The following PDZRN3 variants were observed in gnomAD, a reference collection of about 807,000 sequenced individuals.
PDZRN3 encodes the protein E3 ubiquitin-protein ligase PDZRN3.
In PDZRN3, 38 loss-of-function variants were observed where a neutral mutation model predicts 85.7. That is an observed-to-expected ratio of 0.44 (90% CI 0.34 to 0.58). The LOEUF (loss-of-function observed/expected upper bound fraction) is 0.58. PDZRN3 is among the 20% of genes least tolerant of loss of function. The probability of loss-of-function intolerance (pLI) is 0.01; values close to 1 mark genes in which losing one functional copy is unlikely to be tolerated. For synonymous variants in PDZRN3, 759 were observed against 638.0 expected (o/e 1.19, Z -2.86); for missense variants, 1,629 against 1,506.4 (o/e 1.08, Z -1.35).
At chr3:73,584,732 T>C (rs1702255098) in intron 3 of PDZRN3, among the ~76,000 whole-genome samples, 1 of 152,176 alleles carries the variant, frequency 6.6e-6, no homozygotes, top group Non-Finnish European at 1.5e-5. Context: ...CTATAGTTAA[T>C]ATGTTCATTC....
At chr3:73,614,980 T>C (rs888095910) in intron 1 of PDZRN3, among the ~76,000 whole-genome samples, 1 of 152,018 alleles carries the variant, frequency 6.6e-6, no homozygotes, top group Non-Finnish European at 1.5e-5. Flanking sequence ...TGCTTGAAAT[T>C]AAGTTGAAAT....
intron 3 of PDZRN3, among the ~76,000 whole-genome samples, chr3:73,529,619 AG>A (rs1156978970): frequency 6.6e-6 from 1 of 152,194 alleles, no homozygotes; most frequent in East Asian, 1.9e-4. Context: ...GGGCTGTGGG[AG>A]GGTGGGACAA....
Position 73,462,542 on chromosome 3 carries a change from CA to C in PDZRN3, c.919-58148del, listed in dbSNP as rs1167584471. ...TTGGGCAACAGGTGAGACTCCGTCT[CA>C]AAAAAAAAAAAAAAAAAAAGAACTT... is the stretch of plus-strand genomic sequence containing the variant. On this transcript the variant is annotated intron_variant, in intron 3 of 9. Coordinates refer to ENST00000263666, the MANE Select transcript of PDZRN3 (RefSeq NM_015009.3). Among the ~76,000 whole-genome samples, 457 of 93,444 alleles carry C rather than the reference CA, an allele frequency of 4.9e-3. 4 individuals carry two copies. Among genetic ancestry groups the C allele is most frequent in the East Asian group, 0.043 (146 of 3,416 alleles). The allele number at this position is 93,444 out of a possible 152,430, so 61.3% of individuals were successfully genotyped here.
intron 1 of PDZRN3, among the ~76,000 whole-genome samples, chr3:73,620,196 G>A (rs1559760150): frequency 6.6e-6 from 1 of 152,194 alleles, no homozygotes. Context: ...ATTTGAGTGA[G>A]CTGGAGAGCT....
chr3:73,402,940 G>GTTTTTTTTTTTTT (rs1559658874), intron 4 of PDZRN3, among the ~76,000 whole-genome samples: 1 of 108,402 alleles, frequency 9.2e-6, no homozygotes, highest in Non-Finnish European at 1.7e-5. Flanking sequence ...CACATGAAAA[G>GTTTTTTTTTTTTT]CTTTTTTTTT....
intron 5 of PDZRN3, among the ~76,000 whole-genome samples, chr3:73,394,301 C>T (rs1701591300): frequency 6.6e-6 from 1 of 152,100 alleles, no homozygotes; most frequent in Admixed American, 6.5e-5. Context: ...AGTTCTGTTC[C>T]CAGTTAGTGT....
chr3:73,486,140 T>C (rs1703657036), intron 3 of PDZRN3, among the ~76,000 whole-genome samples: 1 of 151,992 alleles, frequency 6.6e-6, no homozygotes, highest in African/African-American at 2.4e-5. Context: ...GACTGCATAG[T>C]GAAGGAAACA....
chr3:73,563,001 ATATATATATATAT>A (rs1332550190), intron 3 of PDZRN3, among the ~76,000 whole-genome samples: 2 of 35,410 alleles, frequency 5.6e-5, no homozygotes, highest in African/African-American at 2.3e-4. Context: ...ATATATATAT[ATATATATATATAT>A]TTTTTTTTTT....
chr3:73,565,217 C>T (rs1330164944), intron 3 of PDZRN3, among the ~76,000 whole-genome samples: 2 of 151,106 alleles, frequency 1.3e-5, no homozygotes, highest in Non-Finnish European at 2.9e-5. Context: ...CAACCTCTGC[C>T]TCCTAGGTTC....
intron 3 of PDZRN3, chr3:73,561,325 C>T (rs1371638038): frequency 6.6e-6 from 1 of 152,224 alleles, no homozygotes; most frequent in African/African-American, 2.4e-5. Context: ...AGACAAACTC[C>T]CATACTTTAT....
In PDZRN3 at chr3:73,608,604, C is replaced by T. The variant is rs768206266; in HGVS notation, c.804G>A (p.Pro268=). The T allele has an allele frequency of 1.5e-5, 24 of 1,605,468 alleles. No individual in the cohort carries two copies. The highest frequency in any genetic ancestry group is 1.7e-5 in the Non-Finnish European group (20 of 1,172,734). The change falls in exon 2 of 10, where the codon CCG becomes CCA. Residue 268 remains proline (P), a synonymous_variant. Transcript: ENST00000263666. ...SLGFNIIGGR[P]SVDNHDGSSS... is the part of the protein sequence containing the mutation. Reference sequence around the variant, plus strand: ...ATTTTAGTAATTAACATACCACACTCGGCCGGCCACCAATAATATTGAATC... The same window carrying T: ...ATTTTAGTAATTAACATACCACACTTGGCCGGCCACCAATAATATTGAATC...
At chr3:73,487,770 A>G (rs1420897201) in intron 3 of PDZRN3, among the ~76,000 whole-genome samples, 1 of 152,212 alleles carries the variant, frequency 6.6e-6, no homozygotes, top group Non-Finnish European at 1.5e-5. Context: ...AATGCAGAAC[A>G]TTTTTGAAAC....
chr3:73,583,213 A>G (rs903520383), intron 3 of PDZRN3, among the ~76,000 whole-genome samples: 10 of 152,234 alleles, frequency 6.6e-5, no homozygotes, highest in Non-Finnish European at 1.3e-4. Context: ...ATGAAGGTCC[A>G]GAAAATTTAA....
chr3:73,432,405 T>A (rs187380130), intron 3 of PDZRN3, among the ~76,000 whole-genome samples: 42 of 152,328 alleles, frequency 2.8e-4, no homozygotes, highest in Admixed American at 2.6e-3. Context: ...TCACAAGACT[T>A]ATTTAAGATG....
chr3:73,500,170 T>C (rs1703950328), intron 3 of PDZRN3, among the ~76,000 whole-genome samples: 1 of 151,920 alleles, frequency 6.6e-6, no homozygotes, highest in African/African-American at 2.4e-5. Flanking sequence ...ATCCTCCGCC[T>C]CCCAAGTAGC....
intron 3 of PDZRN3, chr3:73,569,419 T>A: frequency 8.7e-7 from 1 of 1,154,222 alleles, no homozygotes; most frequent in Admixed American, 4.2e-5. Flanking sequence ...ACATATTTCC[T>A]GTCTCTTCCA....
At chr3:73,538,310 A>G (rs1050426632) in intron 3 of PDZRN3, among the ~76,000 whole-genome samples, 2 of 152,212 alleles carry the variant, frequency 1.3e-5, no homozygotes, top group African/African-American at 4.8e-5. Context: ...CACTACATAC[A>G]CTTTAAGTAC....
chr3:73,397,038 CTTTTTTTTTTTTT>C (rs1701652948), intron 5 of PDZRN3, among the ~76,000 whole-genome samples: 1 of 143,884 alleles, frequency 7.0e-6, no homozygotes, highest in African/African-American at 2.5e-5. Flanking sequence ...CTTTTTCTTT[CTTTTTTTTTTTTT>C]GAGACAGAGT....
chr3:73,491,592 C>CTTTTTTTT lies in PDZRN3; in HGVS notation c.919-87198_919-87197insAAAAAAAA, dbSNP rs367581488. On this transcript the variant is annotated intron_variant, in intron 3 of 9. Transcript: ENST00000263666. The stretch of plus-strand genomic sequence containing the variant: ...AAAGAAAAACCTTGTGTGGAAGGTT[C>CTTTTTTTT]CTTTTTTTTTTTTAAGAAGCAGGGT... Among the ~76,000 whole-genome samples, 463 of 117,534 alleles carry CTTTTTTTT rather than the reference C, an allele frequency of 3.9e-3. 45 individuals are homozygous for CTTTTTTTT. Among genetic ancestry groups the CTTTTTTTT allele is most frequent in the African/African-American group, 8.9e-3 (290 of 32,462 alleles). The allele number at this position is 117,534 out of a possible 152,430, so 77.1% of individuals were successfully genotyped here.
Sources: gnomAD v4.1 joint callset for allele counts (sites outside exome capture counted in the v4.1 genomes callset) on GRCh38, gnomAD v4.1.1 for gene constraint, MANE v1.5 for transcripts, NCBI Gene and HGNC (gene_info 2026-07-23, HGNC 2026-07-21) for gene names.